L3MBTL4: variants seen among roughly 807,000 people sequenced by gnomAD.
The protein encoded by L3MBTL4 is L3MBTL histone methyl-lysine binding protein 4, also known as lethal(3)malignant brain tumor-like protein 4.
L3MBTL4 carries 70 observed loss-of-function variants against 84.5 expected under a neutral mutation model. The ratio of observed to expected loss-of-function variants is 0.83; its 90% CI spans 0.68 to 1.01. The LOEUF (loss-of-function observed/expected upper bound fraction) is 1.01. L3MBTL4 is among the 50% of genes least tolerant of loss of function. L3MBTL4 has a pLI of 0.00. For synonymous variants in L3MBTL4, 274 were observed against 259.8 expected (o/e 1.05, Z -0.52); for missense variants, 715 against 754.8 (o/e 0.95, Z 0.62).
chr18:6,165,246 G>A (rs2043585632), intron 13 of L3MBTL4, among the ~76,000 whole-genome samples: 1 of 152,184 alleles, frequency 6.6e-6, no homozygotes, highest in South Asian at 2.1e-4. Context: ...AACCAAGTTG[G>A]AAAACACTCT....
chr18:6,330,488 T>C (rs2143117617), intron 1 of L3MBTL4, among the ~76,000 whole-genome samples: 1 of 152,370 alleles, frequency 6.6e-6, no homozygotes, highest in African/African-American at 2.4e-5. Context: ...TTAGGATATG[T>C]CACCCAGACA....
intron 1 of L3MBTL4, among the ~76,000 whole-genome samples, chr18:6,370,003 A>T (rs1268945378): frequency 6.6e-6 from 1 of 152,032 alleles, no homozygotes; most frequent in Non-Finnish European, 1.5e-5. Context: ...CCATGGTGGC[A>T]CGTGCCTGTA....
intron 4 of L3MBTL4, among the ~76,000 whole-genome samples, chr18:6,275,802 G>T (rs1388970333): frequency 6.6e-6 from 1 of 152,280 alleles, no homozygotes; most frequent in Middle Eastern, 3.4e-3. Flanking sequence ...TCCAAGCGAG[G>T]TGCTCATTGG....
At chr18:6,331,870 A>T (rs970756489) in intron 1 of L3MBTL4, among the ~76,000 whole-genome samples, 4 of 152,114 alleles carry the variant, frequency 2.6e-5, no homozygotes, top group Non-Finnish European at 4.4e-5. Flanking sequence ...AGCGCTAAAA[A>T]GTATCAAGGA....
chr18:6,104,731 TACC>T (rs2058945179), intron 14 of L3MBTL4, among the ~76,000 whole-genome samples: 1 of 152,196 alleles, frequency 6.6e-6, no homozygotes, highest in East Asian at 1.9e-4. Flanking sequence ...ATATTGTTTT[TACC>T]ACAATTGAGA....
At chr18:6,125,175 G>A (rs1032710024) in intron 14 of L3MBTL4, among the ~76,000 whole-genome samples, 1 of 150,500 alleles carries the variant, frequency 6.6e-6, no homozygotes, top group Non-Finnish European at 1.5e-5. Context: ...CGGAAGGAAG[G>A]AGGAAAGGAA....
intron 1 of L3MBTL4, among the ~76,000 whole-genome samples, chr18:6,373,303 C>A (rs1360539562): frequency 6.6e-6 from 1 of 152,162 alleles, no homozygotes; most frequent in Non-Finnish European, 1.5e-5. Context: ...ATCAAACCTT[C>A]CCAAAGGGCA....
intron 4 of L3MBTL4, among the ~76,000 whole-genome samples, chr18:6,282,769 C>A (rs1292919175): frequency 6.6e-6 from 1 of 152,054 alleles, no homozygotes; most frequent in Non-Finnish European, 1.5e-5. Flanking sequence ...TTAGGGAGTA[C>A]CAAGAGCAGG....
intron 13 of L3MBTL4, among the ~76,000 whole-genome samples, chr18:6,141,967 C>G (rs1294293309): frequency 2.0e-5 from 3 of 152,190 alleles, no homozygotes; most frequent in African/African-American, 7.2e-5. Flanking sequence ...CTGGCCTTCT[C>G]CTATTCCTTG....
intron 14 of L3MBTL4, among the ~76,000 whole-genome samples, chr18:6,113,595 C>T (rs556747983): frequency 2.0e-5 from 3 of 152,062 alleles, no homozygotes; most frequent in Admixed American, 6.5e-5. Flanking sequence ...TCCTTTGAAC[C>T]CTCTAAGTGT....
chr18:6,063,670 T>C (rs576732778), intron 16 of L3MBTL4, among the ~76,000 whole-genome samples: 2 of 152,120 alleles, frequency 1.3e-5, no homozygotes, highest in Non-Finnish European at 2.9e-5. Context: ...GAAATGTCTA[T>C]TCATGTCCTT....
intron 12 of L3MBTL4, among the ~76,000 whole-genome samples, chr18:6,178,142 A>G (rs1324146063): frequency 6.6e-6 from 1 of 152,114 alleles, no homozygotes; most frequent in Non-Finnish European, 1.5e-5. Context: ...CAGGTACAAT[A>G]TTTTTACATA....
chr18:6,237,043 T>C (rs764639663), intron 10 of L3MBTL4, among the ~76,000 whole-genome samples: 1 of 152,200 alleles, frequency 6.6e-6, no homozygotes, highest in Non-Finnish European at 1.5e-5. Context: ...ATACTAAGAT[T>C]ATACAGCCTG....
chr18:6,204,008 T>C (rs1175140388), intron 12 of L3MBTL4, among the ~76,000 whole-genome samples: 1 of 152,132 alleles, frequency 6.6e-6, no homozygotes, highest in African/African-American at 2.4e-5. Context: ...CTGCCTCATG[T>C]CACCACCTGT....
Position 6,003,064 on chromosome 18 carries a change from C to T in L3MBTL4, c.1445-33502G>A, listed in dbSNP as rs908508373. 8.1e-5 allele frequency among the ~76,000 whole-genome samples: 9 copies of T among 110,668 alleles called. No individual in the cohort carries two copies. In the Admixed American group the frequency reaches 9.7e-4, roughly 12 times the overall value. 72.6% of individuals were successfully genotyped at this position (110,668 alleles called of 152,430 possible). Reference sequence around the variant, plus strand: ...AGATACTATATAAAATATAGTATCTCTATTTATAGAGATACTATATAAAAT... The same window carrying T: ...AGATACTATATAAAATATAGTATCTTTATTTATAGAGATACTATATAAAAT... On this transcript the variant is annotated intron_variant, in intron 16 of 18. Transcript: ENST00000317931.
chr18:6,031,181 C>G (rs778738591), intron 16 of L3MBTL4: 1 of 985,360 alleles, frequency 1.0e-6, no homozygotes, highest in East Asian at 1.1e-4. Context: ...CCTCCTCCCC[C>G]GTGGGAGTAG....
chr18:6,072,887 T>A (rs1369203292), intron 16 of L3MBTL4, among the ~76,000 whole-genome samples: 1,822 of 9,182 alleles, frequency 0.2, 366 homozygotes, highest in East Asian at 0.4. Context: ...AAAAAATATA[T>A]ATATATATAT....
At chr18:5,984,602 A>G (rs1200222063) in intron 16 of L3MBTL4, among the ~76,000 whole-genome samples, 1 of 152,194 alleles carries the variant, frequency 6.6e-6, no homozygotes, top group African/African-American at 2.4e-5. Context: ...AATATTCCAG[A>G]GGTAATTCCA....
chr18:6,222,931 G>A (rs1013452909), intron 10 of L3MBTL4, among the ~76,000 whole-genome samples: 3 of 143,256 alleles, frequency 2.1e-5, no homozygotes, highest in Admixed American at 1.4e-4. Context: ...GGATTTCTTT[G>A]GACTGTAAAT....
Sources: allele counts gnomAD v4.1 joint callset (sites outside exome capture counted in the v4.1 genomes callset), GRCh38; gene constraint gnomAD v4.1.1; transcripts MANE v1.5; gene names NCBI Gene and HGNC (gene_info 2026-07-23, HGNC 2026-07-21).